BORCS5: variants seen among roughly 807,000 people sequenced by gnomAD.
BORCS5 encodes BLOC-1 related complex subunit 5.
A neutral mutation model predicts 22.1 loss-of-function variants in BORCS5; 17 were observed. That is an observed-to-expected ratio of 0.77 (90% CI 0.53 to 1.15). BORCS5 has a LOEUF of 1.15. BORCS5 is among the 50% of genes most tolerant of loss of function. The probability of loss-of-function intolerance (pLI) is 0.00; values close to 1 mark genes in which losing one functional copy is unlikely to be tolerated. For synonymous variants in BORCS5, 117 were observed against 99.8 expected (o/e 1.17, Z -1.03); for missense variants, 247 against 253.2 (o/e 0.98, Z 0.17).
intron 3 of BORCS5, among the ~76,000 whole-genome samples, chr12:12,461,210 C>G (rs538508976): frequency 1.5e-5 from 2 of 137,824 alleles, no homozygotes; most frequent in African/African-American, 5.3e-5. Flanking sequence ...CTCTTTTTTT[C>G]CAGGCTGGAG....
In BORCS5 at chr12:12,425,106, C is replaced by A. The variant is rs187188318; in HGVS notation, c.203-10522C>A. ...TATTTAGAGGACAGGGTCCTTTTCT[C>A]CCCTGCTGTCTCCCACAAACTGTGT... On this transcript the variant is annotated intron_variant, in intron 2 of 3. Transcript: ENST00000314565. Among the ~76,000 whole-genome samples, 530 of 152,282 alleles carry A rather than the reference C, an allele frequency of 3.5e-3. 7 individuals carry two copies. The highest frequency in any genetic ancestry group is 2.1e-3 in the Non-Finnish European group (141 of 68,014).
chr12:12,429,913 G>A (rs943583084), intron 2 of BORCS5, among the ~76,000 whole-genome samples: 1 of 152,012 alleles, frequency 6.6e-6, no homozygotes, highest in Non-Finnish European at 1.5e-5. Flanking sequence ...ACAAGGACTC[G>A]CTCTTAGGCA....
intron 2 of BORCS5, among the ~76,000 whole-genome samples, chr12:12,369,208 A>T (rs1202247731): frequency 6.6e-6 from 1 of 152,140 alleles, no homozygotes. Flanking sequence ...CCTGTCTTGT[A>T]GTCTAATTTG....
At chr12:12,380,675 C>T (rs1863756915) in intron 2 of BORCS5, among the ~76,000 whole-genome samples, 1 of 151,392 alleles carries the variant, frequency 6.6e-6, no homozygotes, top group South Asian at 2.1e-4. Context: ...TTTGTGTTTA[C>T]TTTTACGAAA....
chr12:12,425,729 C>A (rs774070370), intron 2 of BORCS5, among the ~76,000 whole-genome samples: 2 of 152,138 alleles, frequency 1.3e-5, no homozygotes, highest in Non-Finnish European at 2.9e-5. Flanking sequence ...ATTTGCCTTC[C>A]TTATAAATAA....
At chr12:12,420,878 GT>G (rs1942102363) in intron 2 of BORCS5, among the ~76,000 whole-genome samples, 1 of 152,156 alleles carries the variant, frequency 6.6e-6, no homozygotes, top group African/African-American at 2.4e-5. Context: ...AGGAATGATT[GT>G]GATTTTTGCA....
At chr12:12,389,533 C>A (rs1941114873) in intron 2 of BORCS5, among the ~76,000 whole-genome samples, 1 of 142,402 alleles carries the variant, frequency 7.0e-6, no homozygotes, top group Non-Finnish European at 1.6e-5. Context: ...TGTGATTCCT[C>A]TGCAGAATTG....
intron 2 of BORCS5, among the ~76,000 whole-genome samples, chr12:12,389,135 C>CTT (rs10630444): frequency 0.38 from 44,872 of 117,624 alleles, 9,893 homozygotes; most frequent in Non-Finnish European, 0.41. Flanking sequence ...CAAGTAAGTA[C>CTT]TTTTTTTTTT....
chr12:12,433,889 T>C (rs1384803365), intron 2 of BORCS5, among the ~76,000 whole-genome samples: 1 of 152,146 alleles, frequency 6.6e-6, no homozygotes, highest in Non-Finnish European at 1.5e-5. Context: ...TAGCCCTTCA[T>C]ACAGCCTGTC....
chr12:12,452,143 C>A, intron 3 of BORCS5: 1 of 559,136 alleles, frequency 1.8e-6, no homozygotes, highest in South Asian at 1.4e-5. Context: ...ATAGTAATGT[C>A]ACCAATGTTA....
intron 2 of BORCS5, among the ~76,000 whole-genome samples, chr12:12,429,820 A>C (rs1194533991): frequency 6.6e-6 from 1 of 152,124 alleles, no homozygotes; most frequent in Non-Finnish European, 1.5e-5. Context: ...CCTCCACTTC[A>C]TTCTGCGATT....
At position 12,466,647 on chromosome 12, in the gene BORCS5, G is replaced by A. The variant is rs1943208687; in HGVS notation, c.*871G>A. 2.0e-5 allele frequency: 3 copies of A among 152,186 alleles called. 1 individual carries two copies. The highest frequency in any genetic ancestry group is 2.0e-4 in the Admixed American group (3 of 15,274). The allele number at this position is 152,186 out of a possible 1,614,324, so 9.4% of individuals were successfully genotyped here. On this transcript the variant is annotated 3_prime_UTR_variant, in exon 4 of 4. Coordinates refer to ENST00000314565, the MANE Select transcript of BORCS5 (RefSeq NM_058169.6). ...AAGTTATTTGAGTAACAACAAAAGT[G>A]CTTAGTGTCGTACTTTACACATCAT...
At chr12:12,412,921 T>TA (rs1941778805) in intron 2 of BORCS5, among the ~76,000 whole-genome samples, 1 of 140,894 alleles carries the variant, frequency 7.1e-6, no homozygotes, top group African/African-American at 2.6e-5. Context: ...TTTTTTTTTT[T>TA]TTTTATTGAT....
chr12:12,393,961 T>C lies in BORCS5; in HGVS notation c.202+32612T>C, dbSNP rs924282472. Among the ~76,000 whole-genome samples, 14 of 152,232 alleles carry C rather than the reference T, an allele frequency of 9.2e-5. 1 individual carries two copies. Among genetic ancestry groups the C allele is most frequent in the African/African-American group, 3.4e-4 (14 of 41,484 alleles). On this transcript the variant is annotated intron_variant, in intron 2 of 3. Transcript: ENST00000314565. The stretch of plus-strand genomic sequence containing the variant: ...AGATCAGGTGTGTATGTTTACTTTT[T>C]ATGGTTTTTCTTTCATTCCCCTTGC...
intron 3 of BORCS5, among the ~76,000 whole-genome samples, chr12:12,460,177 T>G (rs1943076817): frequency 6.6e-6 from 1 of 152,250 alleles, no homozygotes; most frequent in Admixed American, 6.5e-5. Flanking sequence ...GAGATCCCTT[T>G]TAGTTTTTCA....
intron 2 of BORCS5, among the ~76,000 whole-genome samples, chr12:12,385,351 ATTG>A (rs1863857681): frequency 6.6e-6 from 1 of 151,296 alleles, no homozygotes; most frequent in African/African-American, 2.4e-5. Flanking sequence ...GATGCTACCT[ATTG>A]TTCCAAATAA....
At chr12:12,435,546 T>G (rs1461379267) in intron 2 of BORCS5, 82 bp from the exon 3 acceptor site, 2 of 1,140,518 alleles carry the variant, frequency 1.8e-6, no homozygotes, top group African/African-American at 3.1e-5. Context: ...TTACCCTGTC[T>G]TCAGTGAACT....
intron 3 of BORCS5, chr12:12,452,321 A>G: frequency 1.4e-6 from 1 of 701,586 alleles, no homozygotes; most frequent in Non-Finnish European, 2.5e-6. Flanking sequence ...CCCCATCATC[A>G]TTTCTGCAAG....
chr12:12,375,489 A>G (rs1387156438), intron 2 of BORCS5, among the ~76,000 whole-genome samples: 1 of 152,174 alleles, frequency 6.6e-6, no homozygotes, highest in African/African-American at 2.4e-5. Flanking sequence ...TCATGGTGGC[A>G]TGTGCTGGTA....
Sources: allele counts gnomAD v4.1 joint callset (sites outside exome capture counted in the v4.1 genomes callset), GRCh38; gene constraint gnomAD v4.1.1; transcripts MANE v1.5; gene names NCBI Gene and HGNC (gene_info 2026-07-23, HGNC 2026-07-21).